Variants in FUS observed in about 807,000 individuals in gnomAD.
The protein encoded by FUS is RNA-binding protein FUS.
In FUS, 5 loss-of-function variants were observed where a neutral mutation model predicts 82.7. The observed-to-expected ratio is 0.06, with a 90% CI of 0.03 to 0.13. FUS has a LOEUF of 0.13. FUS is among the 10% of genes least tolerant of loss of function. The probability of loss-of-function intolerance (pLI) is 1.00; values close to 1 mark genes in which losing one functional copy is unlikely to be tolerated. For synonymous variants in FUS, 281 were observed against 247.4 expected, an observed-to-expected ratio of 1.14 and a Z score of -1.27; for missense variants, 512 against 707.8, an observed-to-expected ratio of 0.72 and a Z score of 3.14.
chr16:31,182,346 A>G (rs984625317), intron 1 of FUS, 52 bp from the exon 2 acceptor site: 35 of 1,605,666 alleles, frequency 2.2e-5, no homozygotes, highest in Middle Eastern at 1.6e-4. Context: ...CTTTAATTCA[A>G]CTCTTTCAGA....
Position 31,189,873 on chromosome 16 carries a change from G to T in FUS, c.1066+79G>T, listed in dbSNP as rs1045727628. 1.9e-6 allele frequency: 3 copies of T among 1,608,982 alleles called. No homozygotes were observed. The African/African-American group carries it at 4.0e-5, about 21-fold the overall frequency. ...TTAGGAAACAAGCCATAGTTTGAGGGTTCTTTTGAGTCTTCCAACACTTAC... is the reference window on the plus strand; with the variant it reads ...TTAGGAAACAAGCCATAGTTTGAGGTTTCTTTTGAGTCTTCCAACACTTAC... On this transcript the variant is annotated intron_variant, in intron 10 of 14. Coordinates refer to ENST00000254108, the MANE Select transcript of FUS (RefSeq NM_004960.4).
intron 1 of FUS, among the ~76,000 whole-genome samples, chr16:31,180,468 G>A (rs1335989408): frequency 1.3e-5 from 2 of 151,614 alleles, no homozygotes. Context: ...TGGGGTGGGC[G>A]TTGGGAGGGA....
At chr16:31,193,552 T>C (rs968946643), downstream of FUS, 22 of 529,868 alleles carry the variant, frequency 4.2e-5, no homozygotes, top group South Asian at 1.1e-4. Flanking sequence ...TTGTAAGATA[T>C]GATTACTGGG....
rs562167311 is a variant in FUS at position 31,180,178 on chromosome 16, C to A, written c.-37C>A. ...GCGTCGGTACTCAGCGGTGTTGGAA[C>A]TTCGTTGCTTGCTTGCCTGTGCGCG... On this transcript the variant is annotated 5_prime_UTR_variant, in exon 1 of 15. Coordinates refer to ENST00000254108, the MANE Select transcript of FUS (RefSeq NM_004960.4). 2 of 1,607,892 alleles carry A rather than the reference C, an allele frequency of 1.2e-6. No homozygotes were observed. The highest frequency in any genetic ancestry group is 2.2e-5 in the South Asian group (2 of 90,056).
intron 6 of FUS, 183 bp from the exon 7 acceptor site, chr16:31,186,619 C>CGT (rs1231890428): frequency 1.5e-6 from 1 of 655,886 alleles, no homozygotes; most frequent in South Asian, 1.7e-5. Context: ...AAATTGCACA[C>CGT]GTGTGTGTGA....
intron 8 of FUS, 185 bp downstream of exon 8, chr16:31,188,542 C>T (rs1216207589): frequency 1.4e-6 from 1 of 692,598 alleles, no homozygotes; most frequent in African/African-American, 1.8e-5. Flanking sequence ...AAATACCTGG[C>T]TTGTGGGTTC....
intron 6 of FUS, 111 bp from the exon 7 acceptor site, chr16:31,186,691 C>T: frequency 9.8e-7 from 1 of 1,021,976 alleles, no homozygotes; most frequent in South Asian, 1.3e-5. Flanking sequence ...CCACTTGTAT[C>T]TTTTTCCAAA....
intron 3 of FUS, 31 bp from the exon 4 acceptor site, chr16:31,183,827 T>C (rs749485812): frequency 4.3e-6 from 7 of 1,614,176 alleles, no homozygotes; most frequent in Non-Finnish European, 5.9e-6. Context: ...TCCTGGTGGC[T>C]TTTGTGACTC....
chr16:31,193,912 G>T (rs1430275790), downstream of FUS: 1 of 529,306 alleles, frequency 1.9e-6, no homozygotes, highest in Admixed American at 2.2e-5. Context: ...CTCCCAAAGT[G>T]CTGGGATCAC....
chr16:31,183,906 G>A lies in FUS; in HGVS notation c.239G>A (p.Gly80Asp). The stretch of plus-strand genomic sequence containing the variant: ...CCCCAGGGATATGGCTCGACTGGCG[G>A]CTATGGCAGTAGCCAGAGCTCCCAA... ...STPQGYGSTG[G>D]YGSSQSSQSS... Residue 80 changes from glycine (G) to aspartate (D), a missense_variant, in exon 4 of 15, where the codon GGC becomes GAC. Gly to Asp is a moderately conservative substitution (Grantham distance 94). Around this residue, in one of 6 missense-constraint regions of FUS, gnomAD observed 276 missense variants for 303.3 expected, o/e 0.91. Transcript: ENST00000254108. The A allele has an allele frequency of 1.2e-6, 2 of 1,614,176 alleles. No homozygotes were observed. The highest frequency in any genetic ancestry group is 1.7e-6 in the Non-Finnish European group (2 of 1,180,014).
At chr16:31,192,377 G>C (rs557883550), downstream of FUS, 1 of 524,132 alleles carries the variant, frequency 1.9e-6, no homozygotes, top group South Asian at 1.5e-5. Flanking sequence ...AAACTTGCAC[G>C]TACCTGCCAA....
At chr16:31,186,513 A>G (rs990188476) in intron 6 of FUS, 8 of 510,520 alleles carry the variant, frequency 1.6e-5, no homozygotes, top group East Asian at 9.9e-5. Flanking sequence ...CATCTGCTCC[A>G]TCGGAAGAAC....
intron 1 of FUS, 72 bp downstream of exon 1, chr16:31,180,299 G>T (rs1178694424): frequency 3.9e-6 from 6 of 1,550,632 alleles, no homozygotes; most frequent in Non-Finnish European, 5.2e-6. Context: ...TTCGTTTTCA[G>T]TGGGACCGGG....
intron 5 of FUS, among the ~76,000 whole-genome samples, chr16:31,184,655 G>A (rs1172264849): frequency 6.6e-6 from 1 of 151,968 alleles, no homozygotes; most frequent in African/African-American, 2.4e-5. Flanking sequence ...ATGTTAGCCA[G>A]GATGGTTTCG....
Position 31,182,680 on chromosome 16 carries a change from C to T in FUS, c.190+16C>T, listed in dbSNP as rs747433529. ...AGCCAGAACAGTGAGTCTTTCTCAG[C>T]GGGTCACCTCTTCCTACTCTTTCTG... On this transcript the variant is annotated intron_variant, in intron 3 of 14. Transcript: ENST00000254108. The T allele has an allele frequency of 4.3e-6, 7 of 1,613,960 alleles. No homozygotes were observed. Among genetic ancestry groups the T allele is most frequent in the Admixed American group, 3.3e-5 (2 of 60,002 alleles).
chr16:31,183,175 C>A, intron 3 of FUS: 1 of 188,968 alleles, frequency 5.3e-6, no homozygotes, highest in South Asian at 9.8e-5. Flanking sequence ...GCGGGAGGAT[C>A]CCTTGAATTC....
intron 1 of FUS, chr16:31,182,193 G>A (rs749153565): frequency 3.2e-6 from 2 of 625,314 alleles, no homozygotes; most frequent in Non-Finnish European, 2.9e-6. Context: ...GCTTCACCAT[G>A]TTGGTCAGGC....
downstream of FUS, chr16:31,192,982 A>T (rs1392361354): frequency 2.1e-6 from 1 of 483,190 alleles, no homozygotes; most frequent in Non-Finnish European, 4.1e-6. Flanking sequence ...ATTTTTTGAG[A>T]TGGAGTTTTG....
chr16:31,184,112 G>C (rs1028521824), intron 4 of FUS, 97 bp from the exon 5 acceptor site: 1 of 1,612,912 alleles, frequency 6.2e-7, no homozygotes, highest in Non-Finnish European at 8.5e-7. Context: ...GGGTAGGGGA[G>C]CCTGTGTTGG....
Sources: allele counts gnomAD v4.1 joint callset (sites outside exome capture counted in the v4.1 genomes callset), GRCh38; gene constraint gnomAD v4.1.1; regional missense constraint gnomAD v4.1.1; transcripts MANE v1.5; gene names NCBI Gene and HGNC (gene_info 2026-07-23, HGNC 2026-07-21).